Variants in ABCG1 observed in about 807,000 individuals in gnomAD.
The protein encoded by ABCG1 is ATP-binding cassette sub-family G member 1.
Under a neutral mutation model 69.2 loss-of-function variants are expected in ABCG1, and 29 were observed. The observed-to-expected ratio is 0.42, with a 90% CI of 0.31 to 0.57. ABCG1 has a LOEUF of 0.57. ABCG1 is among the 20% of genes least tolerant of loss of function. The pLI is 0.15. For synonymous variants in ABCG1, 370 were observed against 374.8 expected (o/e 0.99, Z 0.15); for missense variants, 718 against 898.1 (o/e 0.80, Z 2.56).
intron 10 of ABCG1, 92 bp from the exon 11 acceptor site, chr21:42,289,958 G>A: frequency 4.8e-6 from 7 of 1,446,506 alleles, no homozygotes; most frequent in African/African-American, 1.4e-5. Flanking sequence ...CAGAGTTCAG[G>A]GTCCCATGCT....
At chr21:42,259,147 G>T (rs981160045) in intron 2 of ABCG1, among the ~76,000 whole-genome samples, 1 of 152,186 alleles carries the variant, frequency 6.6e-6, no homozygotes, top group African/African-American at 2.4e-5. Context: ...CCTTGCAAAG[G>T]CCCCTGCCTG....
rs546142447 is a variant in ABCG1 at position 42,258,772 on chromosome 21, C to G, written c.287-12298C>G. Among the ~76,000 whole-genome samples, 13 of 152,330 alleles carry G rather than the reference C, an allele frequency of 8.5e-5. No homozygotes were observed. In the South Asian group the frequency reaches 2.7e-3, roughly 32 times the overall value. On this transcript the variant is annotated intron_variant, in intron 2 of 14. Coordinates refer to ENST00000398449, the MANE Select transcript of ABCG1 (RefSeq NM_016818.3). ...GCTGCTGTAAGACTCGGGATGAGGG[C>G]TGCCCCCTGCAGGTGGCTCTGAAAG...
chr21:42,270,918 A>C (rs868470577), intron 2 of ABCG1, 152 bp from the exon 3 acceptor site: 2 of 509,348 alleles, frequency 3.9e-6, no homozygotes, highest in Admixed American at 3.7e-5. Flanking sequence ...TTCGAAAGAC[A>C]TGAAGTTCAT....
intron 5 of ABCG1, among the ~76,000 whole-genome samples, chr21:42,278,445 T>C (rs561776279): frequency 6.6e-6 from 1 of 152,310 alleles, no homozygotes; most frequent in African/African-American, 2.4e-5. Flanking sequence ...ATCGGGTCTT[T>C]ACAGAAGTAA....
chr21:42,269,760 A>G (rs691687), intron 2 of ABCG1, among the ~76,000 whole-genome samples: 55,559 of 152,052 alleles, frequency 0.37, 10,477 homozygotes, highest in Middle Eastern at 0.47. Flanking sequence ...ACAGGAAGAC[A>G]GCTGGGAGCA....
chr21:42,237,310 A>G (rs547800035), intron 2 of ABCG1, among the ~76,000 whole-genome samples: 3 of 152,226 alleles, frequency 2.0e-5, no homozygotes, highest in African/African-American at 7.2e-5. Context: ...GCGTCTCCGC[A>G]GCCACTCCCC....
chr21:42,283,029 G>T (rs142997009), intron 6 of ABCG1, among the ~76,000 whole-genome samples: 1 of 152,162 alleles, frequency 6.6e-6, no homozygotes, highest in East Asian at 1.9e-4. Flanking sequence ...GCCCCCAGCC[G>T]CAGGTTGAGC....
chr21:42,206,593 C>T (rs1324991383), intron 2 of ABCG1, among the ~76,000 whole-genome samples: 2 of 151,980 alleles, frequency 1.3e-5, no homozygotes, highest in African/African-American at 4.8e-5. Context: ...TATCCTGGTA[C>T]TACAGGCATG....
chr21:42,232,351 T>C (rs2067913233), intron 2 of ABCG1, among the ~76,000 whole-genome samples: 1 of 152,210 alleles, frequency 6.6e-6, no homozygotes. Flanking sequence ...CCTCACCAGC[T>C]TGGGCCTGGG....
intron 2 of ABCG1, among the ~76,000 whole-genome samples, chr21:42,226,365 C>T (rs1489272655): frequency 6.6e-6 from 1 of 152,168 alleles, no homozygotes; most frequent in Non-Finnish European, 1.5e-5. Context: ...TCTCCAGAGA[C>T]CCATCTTGAA....
At chr21:42,235,233 G>C (rs373229746) in intron 2 of ABCG1, among the ~76,000 whole-genome samples, 1 of 152,208 alleles carries the variant, frequency 6.6e-6, no homozygotes, top group Non-Finnish European at 1.5e-5. Context: ...AGGCTTGAGC[G>C]GTGACTGGGA....
At chr21:42,210,959 C>CTTCTTCTTCTTCTT (rs772743532) in intron 2 of ABCG1, among the ~76,000 whole-genome samples, 16 of 137,380 alleles carry the variant, frequency 1.2e-4, no homozygotes, top group African/African-American at 3.5e-4. Flanking sequence ...TTTCTTTCTT[C>CTTCTTCTTCTTCTT]TTTTTTTTTT....
intron 13 of ABCG1, among the ~76,000 whole-genome samples, chr21:42,292,003 A>AG (rs1296440677): frequency 6.6e-6 from 1 of 152,140 alleles, no homozygotes; most frequent in Non-Finnish European, 1.5e-5. Context: ...GTGATTTGTC[A>AG]GGGGGTCACA....
rs551817736 is a variant in ABCG1 at position 42,236,790 on chromosome 21, A to G, written c.286+10876A>G. Among the ~76,000 whole-genome samples the G allele has an allele frequency of 7.9e-5, 12 of 152,368 alleles. No homozygotes were observed. The South Asian group carries it at 2.5e-3, about 32-fold the overall frequency. Reference sequence around the variant, plus strand: ...TGCAACAAGAAGGAAGGGTACATCTATGATAACTATGGTGTTACATTACTA... The same window carrying G: ...TGCAACAAGAAGGAAGGGTACATCTGTGATAACTATGGTGTTACATTACTA... On this transcript the variant is annotated intron_variant, in intron 2 of 14. Transcript: ENST00000398449.
rs1376412715 is a variant in ABCG1, at chr21:42,270,969, A to G, written c.287-101A>G. The G allele has an allele frequency of 4.1e-5, 29 of 702,420 alleles. 1 individual carries two copies. The highest frequency in any genetic ancestry group is 5.9e-5 in the Non-Finnish European group (26 of 444,252). The allele number at this position is 702,420 out of a possible 1,614,324, so 43.5% of individuals were successfully genotyped here. ...GCAGCCTTTTCTATGATGCATGTCA[A>G]AGGTTGCCTTTGGCCTTGGTCATGT... On this transcript the variant is annotated intron_variant, in intron 2 of 14. Transcript: ENST00000398449.
At chr21:42,225,347 T>C (rs1170153589) in intron 1 of ABCG1, among the ~76,000 whole-genome samples, 1 of 152,236 alleles carries the variant, frequency 6.6e-6, no homozygotes. Flanking sequence ...AATAGATCGA[T>C]GCCTATGGTG....
chr21:42,232,943 C>T (rs225440), intron 2 of ABCG1, among the ~76,000 whole-genome samples: 67,315 of 152,154 alleles, frequency 0.44, 15,464 homozygotes, highest in African/African-American at 0.56. Flanking sequence ...TAAATATATC[C>T]TGAAGGACTA....
chr21:42,256,327 C>G, intron 2 of ABCG1: 2 of 1,549,702 alleles, frequency 1.3e-6, no homozygotes, highest in South Asian at 1.2e-5. Flanking sequence ...AGGGTGGGCC[C>G]TCTCTGCTGG....
intron 2 of ABCG1, among the ~76,000 whole-genome samples, chr21:42,263,458 C>T (rs909481259): frequency 2.0e-5 from 3 of 152,166 alleles, no homozygotes; most frequent in African/African-American, 7.2e-5. Context: ...GGCCATGTCC[C>T]AGTTCTGATC....
Sources: allele counts gnomAD v4.1 joint callset (sites outside exome capture counted in the v4.1 genomes callset), GRCh38; gene constraint gnomAD v4.1.1; transcripts MANE v1.5; gene names NCBI Gene and HGNC (gene_info 2026-07-23, HGNC 2026-07-21).